Variants in ESRRG observed in about 807,000 individuals in gnomAD.
The protein encoded by ESRRG is estrogen related receptor gamma, also known as estrogen-related receptor gamma.
Under a neutral mutation model 44.0 loss-of-function variants are expected in ESRRG, and 13 were observed. The observed-to-expected ratio is 0.30, with a 90% confidence interval of 0.19 to 0.47. ESRRG has a LOEUF of 0.47. ESRRG is among the 20% of genes least tolerant of loss of function. The pLI, the probability that ESRRG is intolerant of heterozygous loss-of-function variation, is 1.00. For missense variants in ESRRG, 395 were observed against 580.6 expected (o/e 0.68, Z 3.29); for synonymous variants, 215 against 214.6 (o/e 1.00, Z -0.02).
intron 3 of ESRRG, among the ~76,000 whole-genome samples, chr1:216,589,385 A>C (rs564607237): frequency 6.6e-6 from 1 of 152,252 alleles, no homozygotes; most frequent in South Asian, 2.1e-4. Flanking sequence ...TTACTTTTTT[A>C]GCTCATTAGC....
intron 1 of ESRRG, among the ~76,000 whole-genome samples, chr1:216,692,312 ATGTGTGTGTGTG>A (rs56856888): frequency 2.2e-4 from 32 of 147,588 alleles, no homozygotes; most frequent in Non-Finnish European, 4.5e-4. Context: ...AGGCTAGTGT[ATGTGTGTGTGTG>A]TGTGTGTGTG....
At chr1:217,069,623 C>A (rs2090298374) in intron 1 of ESRRG, among the ~76,000 whole-genome samples, 1 of 152,096 alleles carries the variant, frequency 6.6e-6, no homozygotes, top group African/African-American at 2.4e-5. Flanking sequence ...TCTAGGGCCT[C>A]TCCTCTTTTT....
chr1:216,676,970 G>T (rs1166936501), intron 2 of ESRRG, 106 bp downstream of exon 2: 3 of 778,168 alleles, frequency 3.9e-6, no homozygotes, highest in Non-Finnish European at 6.3e-6. Flanking sequence ...ACTCAAGAGA[G>T]AATTAAAACT....
chr1:216,838,210 A>G (rs1319761659), intron 2 of ESRRG, among the ~76,000 whole-genome samples: 1 of 152,196 alleles, frequency 6.6e-6, no homozygotes, highest in Non-Finnish European at 1.5e-5. Context: ...CAGAGAGATC[A>G]TTATGTGTTT....
At chr1:217,067,145 C>A (rs184324218) in intron 1 of ESRRG, among the ~76,000 whole-genome samples, 1 of 152,176 alleles carries the variant, frequency 6.6e-6, no homozygotes, top group Non-Finnish European at 1.5e-5. Context: ...TATACTATAG[C>A]CTTAAAAGCT....
intron 2 of ESRRG, among the ~76,000 whole-genome samples, chr1:216,675,619 G>T (rs980907491): frequency 6.6e-6 from 1 of 152,084 alleles, no homozygotes; most frequent in African/African-American, 2.4e-5. Context: ...TAGAGCAGGG[G>T]GTCTAAATTT....
intron 6 of ESRRG, among the ~76,000 whole-genome samples, chr1:216,518,047 T>C (rs2044897427): frequency 6.6e-6 from 1 of 152,192 alleles, no homozygotes; most frequent in Non-Finnish European, 1.5e-5. Context: ...CACGCGTCCC[T>C]GGCTCTCATG....
rs79068633 is a variant in ESRRG, at chr1:216,797,647, C to T, written c.-13-120156G>A. Among the ~76,000 whole-genome samples, 727 of 152,238 alleles carry T rather than the reference C, an allele frequency of 4.8e-3. 4 individuals carry two copies. Among genetic ancestry groups the T allele is most frequent in the African/African-American group, 0.016 (680 of 41,540 alleles). ...GTAGAATTCCTCAACTGAGATTTGC[C>T]TGATGTTTTTTGGGATCAGACAGGG... is the stretch of plus-strand genomic sequence containing the variant. On this transcript the variant is annotated intron_variant, in intron 2 of 7. Coordinates refer to the ESRRG transcript ENST00000359162.
chr1:216,737,132 C>G (rs1444043710), intron 2 of ESRRG, among the ~76,000 whole-genome samples: 2 of 152,152 alleles, frequency 1.3e-5, no homozygotes, highest in African/African-American at 4.8e-5. Flanking sequence ...GGTCCTTGGA[C>G]TTTTAAAAAC....
intron 1 of ESRRG, among the ~76,000 whole-genome samples, chr1:217,021,827 C>T (rs954016410): frequency 6.6e-5 from 10 of 152,174 alleles, no homozygotes; most frequent in Admixed American, 2.0e-4. Flanking sequence ...CCTTCGACAT[C>T]GGATAAAATA....
chr1:216,704,202 G>A lies in ESRRG; in HGVS notation c.56+19042C>T, dbSNP rs568627966. Among the ~76,000 whole-genome samples, 12 of 152,182 alleles carry A rather than the reference G, an allele frequency of 7.9e-5. No homozygotes were observed. In the South Asian group the frequency reaches 2.5e-3, roughly 32 times the overall value. ...ACTGAATTGAGTCAAGTGGGATACT[G>A]TTAACTAACCCTAAACATCTAGTAA... is the stretch of plus-strand genomic sequence containing the variant. On this transcript the variant is annotated intron_variant, in intron 1 of 6. Transcript: ENST00000408911.
At chr1:216,784,628 T>G (rs1418132456) in intron 2 of ESRRG, among the ~76,000 whole-genome samples, 4 of 152,080 alleles carry the variant, frequency 2.6e-5, no homozygotes, top group Non-Finnish European at 5.9e-5. Context: ...TTCATAGAGT[T>G]AAAGAATTAT....
chr1:216,743,618 C>T (rs1480174153), intron 2 of ESRRG, among the ~76,000 whole-genome samples: 2 of 152,170 alleles, frequency 1.3e-5, no homozygotes, highest in African/African-American at 2.4e-5. Flanking sequence ...CTGTTAGCCA[C>T]TAAGTGCTCT....
chr1:216,933,867 T>C (rs1326552733), intron 2 of ESRRG, among the ~76,000 whole-genome samples: 1 of 152,058 alleles, frequency 6.6e-6, no homozygotes, highest in Admixed American at 6.5e-5. Context: ...GACTATAGCT[T>C]TGCCTCCCTC....
chr1:217,085,107 A>ACCCATTACAACATG (rs371620583), intron 1 of ESRRG, among the ~76,000 whole-genome samples: 60,127 of 151,850 alleles, frequency 0.4, 12,027 homozygotes, highest in East Asian at 0.57. Context: ...TTGTGAATCA[A>ACCCATTACAACATG]GGATGAGTAA....
intron 1 of ESRRG, among the ~76,000 whole-genome samples, chr1:216,716,608 T>C (rs538362856): frequency 6.6e-6 from 1 of 152,058 alleles, no homozygotes; most frequent in East Asian, 1.9e-4. Context: ...TGAAATTTTG[T>C]TTCACTCAAA....
At chr1:216,802,728 C>T (rs564289574) in intron 2 of ESRRG, among the ~76,000 whole-genome samples, 1 of 152,134 alleles carries the variant, frequency 6.6e-6, no homozygotes, top group East Asian at 1.9e-4. Flanking sequence ...GTTAAATATC[C>T]CCCATTTATC....
At chr1:216,740,283 A>G (rs2090505156) in intron 2 of ESRRG, among the ~76,000 whole-genome samples, 1 of 152,208 alleles carries the variant, frequency 6.6e-6, no homozygotes, top group Non-Finnish European at 1.5e-5. Flanking sequence ...CAGTTCATGC[A>G]GCTCTTGATA....
At chr1:216,634,169 T>C (rs2064818497) in intron 3 of ESRRG, among the ~76,000 whole-genome samples, 1 of 152,164 alleles carries the variant, frequency 6.6e-6, no homozygotes, top group Middle Eastern at 3.2e-3. Context: ...ATGCTTCAGG[T>C]ATCAGTGACA....
Sources: allele counts gnomAD v4.1 joint callset (sites outside exome capture counted in the v4.1 genomes callset), GRCh38; gene constraint gnomAD v4.1.1; transcripts MANE v1.5; gene names NCBI Gene and HGNC (gene_info 2026-07-23, HGNC 2026-07-21).